Variants in NCMAP observed in about 807,000 individuals in gnomAD.
The protein encoded by NCMAP is noncompact myelin-associated protein.
NCMAP carries 8 observed loss-of-function variants against 7.8 expected under a neutral mutation model. That is an observed-to-expected ratio of 1.02 (90% CI 0.60 to 1.84). The LOEUF (loss-of-function observed/expected upper bound fraction) is 1.84. Among genes scored for constraint, NCMAP ranks in the 40% most tolerant of loss-of-function variants. The probability of loss-of-function intolerance (pLI) is 0.00; values close to 1 mark genes in which losing one functional copy is unlikely to be tolerated. For synonymous variants in NCMAP, 41 were observed against 52.9 expected, an observed-to-expected ratio of 0.78 and a Z score of 0.98; for missense variants, 112 against 131.4, an observed-to-expected ratio of 0.85 and a Z score of 0.72.
In NCMAP at chr1:24,590,870, A is replaced by C. The variant is rs115477272; in HGVS notation, c.-7-4554A>C. Among the ~76,000 whole-genome samples, 610 of 152,304 alleles carry C rather than the reference A, an allele frequency of 4.0e-3. 2 individuals carry two copies. The highest frequency in any genetic ancestry group is 0.014 in the African/African-American group (575 of 41,580). On this transcript the variant is annotated intron_variant, in intron 1 of 3. Coordinates refer to ENST00000374392, the MANE Select transcript of NCMAP (RefSeq NM_001010980.5). Reference sequence around the variant, plus strand: ...GTTCAGCAAATATTTACTAATATTCACTATAATACTTAGAGCTGCCATTTA... The same window carrying C: ...GTTCAGCAAATATTTACTAATATTCCCTATAATACTTAGAGCTGCCATTTA...
chr1:24,602,911 G>A (rs1443984034), intron 3 of NCMAP, among the ~76,000 whole-genome samples: 1 of 150,572 alleles, frequency 6.6e-6, no homozygotes, highest in Non-Finnish European at 1.5e-5. Context: ...ATGGTGGCGG[G>A]TGCCTGTAAT....
In NCMAP at chr1:24,576,896, G is replaced by A. The variant is rs1228018363; in HGVS notation, c.-7-18528G>A. On this transcript the variant is annotated intron_variant, in intron 1 of 3. Transcript: ENST00000374392. This position sits in a 1 kb window ranked among gnomAD's most constrained non-coding sequence, Gnocchi z 4.0. Reference sequence around the variant, plus strand: ...TAATCCCAGCACTTTGGGAGGCTGAGGCAGGTGGATCACCTGAGGTCAGGA... The same window carrying A: ...TAATCCCAGCACTTTGGGAGGCTGAAGCAGGTGGATCACCTGAGGTCAGGA... 3.9e-5 allele frequency among the ~76,000 whole-genome samples: 6 copies of A among 152,270 alleles called. No individual in the cohort carries two copies. In the South Asian group the frequency reaches 1.0e-3, roughly 26 times the overall value.
At chr1:24,569,764 C>T (rs1351090860) in intron 1 of NCMAP, among the ~76,000 whole-genome samples, 1 of 150,550 alleles carries the variant, frequency 6.6e-6, no homozygotes, top group Admixed American at 6.6e-5. Flanking sequence ...CAAATAAAAG[C>T]TTACTTATAA....
intron 1 of NCMAP, among the ~76,000 whole-genome samples, chr1:24,586,261 A>G (rs1651877833): frequency 1.3e-5 from 2 of 152,192 alleles, no homozygotes; most frequent in Non-Finnish European, 2.9e-5. Flanking sequence ...CAGCACTGTC[A>G]TTTAGCCACC....
intron 1 of NCMAP, among the ~76,000 whole-genome samples, chr1:24,557,407 G>A (rs976161663): frequency 8.1e-5 from 12 of 148,768 alleles, no homozygotes; most frequent in African/African-American, 2.2e-4. Context: ...GTGTGTGTGT[G>A]TGCGCTTGTG....
rs954105419 is a variant in NCMAP at position 24,573,448 on chromosome 1, C to T, written c.-8+17279C>T. On this transcript the variant is annotated intron_variant, in intron 1 of 3. Coordinates refer to ENST00000374392, the MANE Select transcript of NCMAP (RefSeq NM_001010980.5). ...ACTAAAAATACAGAAATCAGTCAGG[C>T]GTGGCAGTGTGTGCCTGTAATCCCA... Among the ~76,000 whole-genome samples the T allele has an allele frequency of 4.7e-5, 7 of 150,530 alleles. 1 individual carries two copies. The highest frequency in any genetic ancestry group is 7.5e-5 in the African/African-American group (3 of 39,900).
At chr1:24,570,786 G>A (rs1214955199) in intron 1 of NCMAP, among the ~76,000 whole-genome samples, 1 of 150,996 alleles carries the variant, frequency 6.6e-6, no homozygotes, top group African/African-American at 2.5e-5. Context: ...GTACATGCCA[G>A]GTGCCCTGTG....
chr1:24,573,969 A>AAAAAAAAAAAAAAAAAAAAAAC (rs1274825221), intron 1 of NCMAP, among the ~76,000 whole-genome samples: 78 of 136,856 alleles, frequency 5.7e-4, no homozygotes, highest in Non-Finnish European at 1.1e-3. Flanking sequence ...AAAAAAAAAA[A>AAAAAAAAAAAAAAAAAAAAAAC]AACAGAAAAA....
chr1:24,580,254 G>A (rs192991689), intron 1 of NCMAP, among the ~76,000 whole-genome samples: 1 of 152,322 alleles, frequency 6.6e-6, no homozygotes, highest in East Asian at 1.9e-4. Context: ...GTATTTAAGT[G>A]TAATTAATTT....
intron 1 of NCMAP, among the ~76,000 whole-genome samples, chr1:24,575,311 A>T (rs1177794267): frequency 1.3e-5 from 2 of 152,156 alleles, no homozygotes; most frequent in Non-Finnish European, 1.5e-5. Context: ...TTGGAAAAAA[A>T]ATAAAATTTT....
chr1:24,569,656 G>A (rs1318655603), intron 1 of NCMAP, among the ~76,000 whole-genome samples: 2 of 150,636 alleles, frequency 1.3e-5, no homozygotes, highest in Non-Finnish European at 2.9e-5. Flanking sequence ...GTCTCTCTGG[G>A]CCTCAGTTTC....
chr1:24,558,704 G>A (rs1570508771), intron 1 of NCMAP, among the ~76,000 whole-genome samples: 1 of 152,050 alleles, frequency 6.6e-6, no homozygotes, highest in African/African-American at 2.4e-5. Context: ...TACAGGGAGC[G>A]GAGCGCACTG....
intron 1 of NCMAP, among the ~76,000 whole-genome samples, chr1:24,584,570 C>A (rs1376219168): frequency 6.6e-6 from 1 of 152,058 alleles, no homozygotes; most frequent in Non-Finnish European, 1.5e-5. Context: ...TGTGGTGGGC[C>A]TGAAACCCAG....
intron 1 of NCMAP, among the ~76,000 whole-genome samples, chr1:24,558,726 G>T (rs2148923751): frequency 6.6e-6 from 1 of 152,270 alleles, no homozygotes. Flanking sequence ...CACTCTCAGG[G>T]TTTGCAAACC....
chr1:24,562,128 G>T (rs969570879), intron 1 of NCMAP, among the ~76,000 whole-genome samples: 22 of 152,102 alleles, frequency 1.4e-4, no homozygotes, highest in Admixed American at 1.1e-3. Flanking sequence ...GCCTCCTAAG[G>T]GTAACTGGTT....
Position 24,605,714 on chromosome 1 carries a change from C to A in NCMAP, c.276C>A (p.Phe92Leu), listed in dbSNP as rs1300147396. The A allele has an allele frequency of 5.0e-6, 8 of 1,614,104 alleles. No homozygotes were observed. Among genetic ancestry groups the A allele is most frequent in the Non-Finnish European group, 6.8e-6 (8 of 1,180,060 alleles). ...GCCAACACCCAGCAACTGTGACCTTCAGTCCTGTTGACGTCCAGGTGGAGA... is the reference window on the plus strand; with the variant it reads ...GCCAACACCCAGCAACTGTGACCTTAAGTCCTGTTGACGTCCAGGTGGAGA... ...NGSQHPATVT[F>L]SPVDVQVETR is the part of the protein sequence containing the mutation. The change falls in exon 4 of 4, where the codon TTC becomes TTA. Residue 92 changes from phenylalanine (F) to leucine (L), a missense_variant. Phe to Leu is a conservative substitution (Grantham distance 22). Transcript: ENST00000374392.
intron 1 of NCMAP, among the ~76,000 whole-genome samples, chr1:24,572,018 G>A (rs1014702860): frequency 2.7e-5 from 4 of 150,872 alleles, no homozygotes; most frequent in African/African-American, 2.5e-5. Context: ...ATAGCCATGC[G>A]TGGCCAGGGG....
At chr1:24,595,274 T>C (rs574961064) in intron 1 of NCMAP, 150 bp from the exon 2 acceptor site, 2 of 574,866 alleles carry the variant, frequency 3.5e-6, no homozygotes, top group South Asian at 5.0e-5. Context: ...CCACGGTATC[T>C]AATAATGGGT....
rs181599197 is a variant in NCMAP, at chr1:24,595,566, G to A, written c.82+54G>A. On this transcript the variant is annotated intron_variant, in intron 2 of 3. Transcript: ENST00000374392. ...GGAAGGATGGCAGGACCAGTGTCAT[G>A]GTCATAGTGCAGAGGTTAAGAGTGT... 137 of 1,398,514 alleles carry A rather than the reference G, an allele frequency of 9.8e-5. No homozygotes were observed. The African/African-American group carries it at 1.7e-3, about 17-fold the overall frequency. 86.6% of individuals were successfully genotyped at this position (1,398,514 alleles called of 1,614,324 possible).
Sources: allele counts gnomAD v4.1 joint callset (sites outside exome capture counted in the v4.1 genomes callset), GRCh38; gene constraint gnomAD v4.1.1; non-coding constraint Gnocchi (gnomAD v3.1); transcripts MANE v1.5; gene names NCBI Gene and HGNC (gene_info 2026-07-23, HGNC 2026-07-21).